Variants in NGEF observed in about 807,000 individuals in gnomAD.
NGEF encodes ephexin-1.
A neutral mutation model predicts 80.9 loss-of-function variants in NGEF; 31 were observed. The ratio of observed to expected loss-of-function variants is 0.38; its 90% CI spans 0.29 to 0.52. The LOEUF (loss-of-function observed/expected upper bound fraction) is 0.52, where lower values mean the gene tolerates loss of function less well. Among genes scored for constraint, NGEF ranks in the 20% least tolerant of loss-of-function variants. NGEF has a pLI of 0.84. For synonymous variants in NGEF, 371 were observed against 370.2 expected (o/e 1.00, Z -0.03); for missense variants, 709 against 926.2 (o/e 0.77, Z 3.04).
intron 1 of NGEF, among the ~76,000 whole-genome samples, chr2:232,976,210 C>T (rs1694290395): frequency 6.6e-6 from 1 of 152,100 alleles, no homozygotes; most frequent in Non-Finnish European, 1.5e-5. Context: ...CAAAAAAACC[C>T]TTCCAGTCCT....
chr2:232,909,773 G>A (rs1040529175), intron 5 of NGEF, among the ~76,000 whole-genome samples: 3 of 151,670 alleles, frequency 2.0e-5, no homozygotes, highest in Admixed American at 2.0e-4. Context: ...CATGCTCCCC[G>A]CATCCTTCAC....
At chr2:232,883,881 C>T (rs1691592189) in intron 11 of NGEF, 100 bp downstream of exon 11, 1 of 1,275,382 alleles carries the variant, frequency 7.8e-7, no homozygotes. Flanking sequence ...AGAGCCCAAG[C>T]TCTGTCCCGA....
In NGEF at chr2:233,008,955, C is replaced by A. The variant is rs933760019; in HGVS notation, c.-75+4113G>T. Among the ~76,000 whole-genome samples the A allele has an allele frequency of 2.6e-5, 4 of 151,994 alleles. No homozygotes were observed. In the South Asian group the frequency reaches 8.3e-4, roughly 32 times the overall value. ...AGCTGGGATTACAGGTGCCACTACGCCCAGTTAATTTTTGTATATTTAGTA... is the reference window on the plus strand; with the variant it reads ...AGCTGGGATTACAGGTGCCACTACGACCAGTTAATTTTTGTATATTTAGTA... On this transcript the variant is annotated intron_variant, in intron 1 of 14. Coordinates refer to ENST00000264051, the MANE Select transcript of NGEF (RefSeq NM_019850.3).
intron 5 of NGEF, among the ~76,000 whole-genome samples, chr2:232,914,014 T>A (rs1692742172): frequency 6.6e-6 from 1 of 152,234 alleles, no homozygotes; most frequent in African/African-American, 2.4e-5. Flanking sequence ...AGATAATTTG[T>A]GTATTTCTCT....
chr2:233,011,053 C>A (rs1017572861), intron 1 of NGEF, among the ~76,000 whole-genome samples: 1 of 152,110 alleles, frequency 6.6e-6, no homozygotes. Context: ...GGCCACGGTG[C>A]CTCTCAGCCT....
intron 1 of NGEF, among the ~76,000 whole-genome samples, chr2:232,983,857 C>T (rs1221791369): frequency 6.6e-6 from 1 of 152,174 alleles, no homozygotes; most frequent in Non-Finnish European, 1.5e-5. Context: ...GATTAAGGAA[C>T]GTTCTTAAGC....
At chr2:232,884,968 T>C (rs2292724) in intron 10 of NGEF, 1 of 263,300 alleles carries the variant, frequency 3.8e-6, no homozygotes. Flanking sequence ...ACATCCTCCA[T>C]GTAAACTGAC....
intron 7 of NGEF, 141 bp from the exon 8 acceptor site, chr2:232,891,628 T>G: frequency 2.0e-6 from 2 of 1,017,472 alleles, no homozygotes; most frequent in Non-Finnish European, 2.8e-6. Context: ...TTGTTTTTTT[T>G]CAAAAGGAAA....
At chr2:232,935,840 C>A (rs1210319741) in intron 3 of NGEF, among the ~76,000 whole-genome samples, 2 of 148,336 alleles carry the variant, frequency 1.3e-5, no homozygotes, top group Non-Finnish European at 3.0e-5. Context: ...TTCTTTTTTT[C>A]TTTTTGGTAG....
intron 3 of NGEF, chr2:232,927,770 CG>C (rs1048397852): frequency 1.7e-5 from 9 of 522,634 alleles, no homozygotes; most frequent in East Asian, 8.0e-5. Context: ...GTAGGGGCGG[CG>C]GGGGCCCGCG....
At chr2:232,913,208 C>T (rs930096143) in intron 5 of NGEF, among the ~76,000 whole-genome samples, 5 of 152,186 alleles carry the variant, frequency 3.3e-5, no homozygotes, top group Admixed American at 6.5e-5. Context: ...TCAGTCACTT[C>T]AAAATATTTA....
At position 232,885,346 on chromosome 2, in the gene NGEF, G is replaced by A. The variant is rs557562280; in HGVS notation, c.1371C>T (p.Gly457=). 15 of 1,613,986 alleles carry A rather than the reference G, an allele frequency of 9.3e-6. No homozygotes were observed. Among genetic ancestry groups the A allele is most frequent in the East Asian group, 4.5e-5 (2 of 44,862 alleles). The part of the protein sequence containing the change: ...LEMVVKACNE[G]VRKMSRTEQM... ...GTTCCGTGCGGCTCATTTTCCTGAC[G>A]CCCTCGTTGCATGCCTTCACCACCT... The change falls in exon 10 of 15, where the codon GGC becomes GGT. Residue 457 remains glycine, a synonymous_variant. Transcript: ENST00000264051.
intron 1 of NGEF, among the ~76,000 whole-genome samples, chr2:232,976,083 C>G (rs1188765137): frequency 6.6e-6 from 1 of 152,096 alleles, no homozygotes; most frequent in African/African-American, 2.4e-5. Flanking sequence ...TGCCTGTAGT[C>G]CCAGCTTCTC....
intron 12 of NGEF, among the ~76,000 whole-genome samples, chr2:232,882,638 C>T (rs188297874): frequency 5.3e-5 from 8 of 152,380 alleles, no homozygotes; most frequent in Admixed American, 4.6e-4. Flanking sequence ...CTGCCCTGGT[C>T]CACGTCAGCT....
At chr2:232,944,897 G>A (rs369721749) in intron 3 of NGEF, among the ~76,000 whole-genome samples, 8 of 151,248 alleles carry the variant, frequency 5.3e-5, no homozygotes, top group East Asian at 1.9e-4. Context: ...GATTACAGGC[G>A]CCTGCCACCA....
At chr2:232,997,894 C>T (rs1433363379) in intron 1 of NGEF, among the ~76,000 whole-genome samples, 1 of 152,224 alleles carries the variant, frequency 6.6e-6, no homozygotes, top group Non-Finnish European at 1.5e-5. Flanking sequence ...CCAGCAGGTC[C>T]ACCCACAGGT....
intron 3 of NGEF, among the ~76,000 whole-genome samples, chr2:232,964,429 G>A (rs181690417): frequency 2.3e-4 from 35 of 152,212 alleles, no homozygotes; most frequent in African/African-American, 7.9e-4. Context: ...GCGGTGGCTC[G>A]CACCTGTAAT....
chr2:232,902,879 A>T (rs1208022580), intron 5 of NGEF, among the ~76,000 whole-genome samples: 1 of 152,178 alleles, frequency 6.6e-6, no homozygotes, highest in East Asian at 1.9e-4. Context: ...CTGTAATCCC[A>T]GCTACTTGGG....
chr2:232,909,386 A>G (rs1344351570), intron 5 of NGEF, among the ~76,000 whole-genome samples: 4 of 152,170 alleles, frequency 2.6e-5, no homozygotes, highest in South Asian at 2.1e-4. Flanking sequence ...CTTAATGTAT[A>G]TGATTCATTT....
Sources: allele counts gnomAD v4.1 joint callset (sites outside exome capture counted in the v4.1 genomes callset), GRCh38; gene constraint gnomAD v4.1.1; transcripts MANE v1.5; gene names NCBI Gene and HGNC (gene_info 2026-07-23, HGNC 2026-07-21).